Variants in CABCOCO1 observed in about 807,000 individuals in gnomAD.
CABCOCO1 encodes the protein ciliary-associated calcium-binding coiled-coil protein 1.
In CABCOCO1, 28 loss-of-function variants were observed where a neutral mutation model predicts 35.7. The observed-to-expected ratio is 0.78, with a 90% CI of 0.58 to 1.07. The LOEUF (loss-of-function observed/expected upper bound fraction) is 1.07, where lower values mean the gene tolerates loss of function less well. Ranked by LOEUF, CABCOCO1 falls within the 50% of genes least tolerant of loss-of-function variation. CABCOCO1 has a pLI of 0.00. For missense variants in CABCOCO1, 326 were observed against 309.2 expected, an observed-to-expected ratio of 1.05 and a Z score of -0.41; for synonymous variants, 95 against 100.1, an observed-to-expected ratio of 0.95 and a Z score of 0.30.
At chr10:61,760,748 T>C (rs1841992600) in intron 6 of CABCOCO1, 115 bp from the exon 7 acceptor site, 1 of 1,207,140 alleles carries the variant, frequency 8.3e-7, no homozygotes, top group Admixed American at 2.9e-5. Flanking sequence ...TTTGCACTTG[T>C]ATCCTGGAAC....
intron 5 of CABCOCO1, among the ~76,000 whole-genome samples, chr10:61,757,262 G>GA (rs952536204): frequency 4.0e-5 from 6 of 151,878 alleles, no homozygotes; most frequent in South Asian, 4.2e-4. Flanking sequence ...TTTTTAATGT[G>GA]AAAAAAATCA....
chr10:61,699,806 TCAAG>T (rs1229165687), intron 5 of CABCOCO1, among the ~76,000 whole-genome samples: 1 of 152,176 alleles, frequency 6.6e-6, no homozygotes, highest in Admixed American at 6.6e-5. Flanking sequence ...AAGTGATATC[TCAAG>T]CAACCTATTA....
intron 2 of CABCOCO1, among the ~76,000 whole-genome samples, chr10:61,680,430 AT>A (rs1194806376): frequency 1.6e-5 from 2 of 123,740 alleles, no homozygotes; most frequent in East Asian, 2.1e-4. Flanking sequence ...ATATTTATAT[AT>A]TAACATATAT....
At chr10:61,720,944 C>A (rs67765288) in intron 5 of CABCOCO1, among the ~76,000 whole-genome samples, 68,074 of 93,258 alleles carry the variant, frequency 0.73, 23,845 homozygotes, top group Middle Eastern at 0.89. Flanking sequence ...TTTTTTTTTG[C>A]GACAGAGTCT....
At chr10:61,695,501 C>G (rs73287782) in intron 5 of CABCOCO1, among the ~76,000 whole-genome samples, 8,273 of 151,888 alleles carry the variant, frequency 0.054, 798 homozygotes, top group African/African-American at 0.19. Flanking sequence ...TACTTGAACC[C>G]CAAATACATG....
intron 5 of CABCOCO1, among the ~76,000 whole-genome samples, chr10:61,752,527 G>A (rs1841810581): frequency 6.6e-6 from 1 of 152,140 alleles, no homozygotes; most frequent in Admixed American, 6.6e-5. Flanking sequence ...CATGCTTTCT[G>A]CAAATTTCTT....
chr10:61,683,108 C>G lies in CABCOCO1; in HGVS notation c.334+1796C>G, dbSNP rs538189673. ...GTTTCGCCATGTTGGCCTGGCTGGT[C>G]TTGAACTCCTCAGCTCAGGTGATCT... On this transcript the variant is annotated intron_variant, in intron 3 of 7. Transcript: ENST00000648843. 1.8e-3 allele frequency among the ~76,000 whole-genome samples: 281 copies of G among 152,182 alleles called. 1 individual carries two copies. Among genetic ancestry groups the G allele is most frequent in the African/African-American group, 6.5e-3 (272 of 41,534 alleles).
chr10:61,680,197 A>G (rs1839666779), intron 2 of CABCOCO1, among the ~76,000 whole-genome samples: 1 of 150,782 alleles, frequency 6.6e-6, no homozygotes, highest in African/African-American at 2.4e-5. Flanking sequence ...CTGTAATTCC[A>G]GTTACTCTGG....
At chr10:61,752,661 T>C (rs1426786092) in intron 5 of CABCOCO1, among the ~76,000 whole-genome samples, 1 of 152,206 alleles carries the variant, frequency 6.6e-6, no homozygotes, top group Non-Finnish European at 1.5e-5. Flanking sequence ...TAAATCTATA[T>C]TTGTCAGCAC....
At chr10:61,716,042 A>C (rs1263202426) in intron 5 of CABCOCO1, among the ~76,000 whole-genome samples, 1 of 152,050 alleles carries the variant, frequency 6.6e-6, no homozygotes, top group Non-Finnish European at 1.5e-5. Flanking sequence ...AAATGGAATT[A>C]AATTATAATA....
intron 5 of CABCOCO1, among the ~76,000 whole-genome samples, chr10:61,755,129 A>G (rs1841871496): frequency 1.3e-5 from 2 of 152,172 alleles, no homozygotes; most frequent in South Asian, 4.1e-4. Context: ...TACTTTAAAA[A>G]TGGATTAATT....
intron 1 of CABCOCO1, among the ~76,000 whole-genome samples, chr10:61,663,706 G>C (rs1839079959): frequency 6.6e-6 from 1 of 152,056 alleles, no homozygotes; most frequent in African/African-American, 2.4e-5. Flanking sequence ...TGTGACAAAA[G>C]GTTGATCTTT....
intron 5 of CABCOCO1, among the ~76,000 whole-genome samples, chr10:61,712,989 G>A (rs1840769632): frequency 6.6e-6 from 1 of 152,172 alleles, no homozygotes; most frequent in Non-Finnish European, 1.5e-5. Flanking sequence ...GGCAATGCGG[G>A]CTCTTTTTTG....
chr10:61,746,110 C>T (rs117647354), intron 5 of CABCOCO1, among the ~76,000 whole-genome samples: 160 of 152,278 alleles, frequency 1.1e-3, no homozygotes, highest in Non-Finnish European at 1.8e-3. Context: ...TGGCCAGCAA[C>T]CTTAGCCCTT....
At chr10:61,740,964 T>C (rs1361319523) in intron 5 of CABCOCO1, among the ~76,000 whole-genome samples, 3 of 152,012 alleles carry the variant, frequency 2.0e-5, no homozygotes, top group African/African-American at 7.2e-5. Flanking sequence ...CTGACCAACA[T>C]GGTGAAACCC....
At chr10:61,756,556 G>A (rs779693749) in intron 5 of CABCOCO1, among the ~76,000 whole-genome samples, 6 of 151,976 alleles carry the variant, frequency 3.9e-5, no homozygotes, top group Non-Finnish European at 8.8e-5. Context: ...TTGTGTTCAA[G>A]CATTCAAAAA....
chr10:61,704,011 T>C (rs958267926), intron 5 of CABCOCO1, among the ~76,000 whole-genome samples: 1 of 152,002 alleles, frequency 6.6e-6, no homozygotes, highest in Non-Finnish European at 1.5e-5. Flanking sequence ...AGGCCAGTAG[T>C]TCGAGACCAG....
At chr10:61,690,939 A>G (rs1005662055) in intron 5 of CABCOCO1, among the ~76,000 whole-genome samples, 1 of 152,178 alleles carries the variant, frequency 6.6e-6, no homozygotes, top group East Asian at 1.9e-4. Flanking sequence ...TAATTTGCAA[A>G]AAAGAATAAT....
chr10:61,679,574 A>G (rs1197153449), intron 2 of CABCOCO1, among the ~76,000 whole-genome samples: 1 of 152,208 alleles, frequency 6.6e-6, no homozygotes, highest in Non-Finnish European at 1.5e-5. Flanking sequence ...AAGTTACTTC[A>G]TACAGAAAAT....
Sources: allele counts gnomAD v4.1 joint callset (sites outside exome capture counted in the v4.1 genomes callset), GRCh38; gene constraint gnomAD v4.1.1; transcripts MANE v1.5; gene names NCBI Gene and HGNC (gene_info 2026-07-23, HGNC 2026-07-21).